PTPN12: variants seen among roughly 807,000 people sequenced by gnomAD.
PTPN12 encodes tyrosine-protein phosphatase non-receptor type 12.
PTPN12 carries 29 observed loss-of-function variants against 97.6 expected under a neutral mutation model. That is an observed-to-expected ratio of 0.30 (90% CI 0.22 to 0.41). PTPN12 has a LOEUF of 0.41. Ranked by LOEUF, PTPN12 falls within the 10% of genes least tolerant of loss-of-function variation. PTPN12 has a pLI of 1.00. For missense variants in PTPN12, 819 were observed against 926.0 expected, an observed-to-expected ratio of 0.88 and a Z score of 1.50; for synonymous variants, 327 against 300.4, an observed-to-expected ratio of 1.09 and a Z score of -0.91.
intron 1 of PTPN12, among the ~76,000 whole-genome samples, chr7:77,560,428 T>G (rs770904548): frequency 1.4e-4 from 21 of 152,246 alleles, no homozygotes; most frequent in Admixed American, 2.6e-4. Context: ...AAGCCATTTT[T>G]AAATGTACAG....
intron 11 of PTPN12, among the ~76,000 whole-genome samples, chr7:77,613,839 A>G (rs1216643894): frequency 6.6e-6 from 1 of 152,102 alleles, no homozygotes; most frequent in Non-Finnish European, 1.5e-5. Flanking sequence ...CAGCCTCCCA[A>G]AGTGCAGGAA....
At chr7:77,568,979 T>G (rs1173580296) in intron 1 of PTPN12, among the ~76,000 whole-genome samples, 2 of 152,182 alleles carry the variant, frequency 1.3e-5, no homozygotes, top group Non-Finnish European at 2.9e-5. Context: ...ACCATGAGGA[T>G]CTTTGTTAAT....
In PTPN12 at chr7:77,627,029, T is replaced by C. The variant is rs554795139; in HGVS notation, c.1350T>C (p.Phe450=). 4 of 1,608,634 alleles carry C rather than the reference T, an allele frequency of 2.5e-6. No homozygotes were observed. The South Asian group carries it at 4.4e-5, about 18-fold the overall frequency. Residue 450 remains phenylalanine (F), a synonymous_variant, in exon 13 of 18, where the codon TTT becomes TTC. Transcript: ENST00000248594. ...CTCTCCAAGAGGGACCAAAAAGTTT[T>C]GATGGGAACACACTTTTGAATAGGG... ...KVPLQEGPKS[F]DGNTLLNRGH...
intron 13 of PTPN12, among the ~76,000 whole-genome samples, chr7:77,627,876 T>C (rs953944315): frequency 1.7e-4 from 26 of 152,248 alleles, no homozygotes; most frequent in Non-Finnish European, 2.6e-4. Context: ...TACTGGGTTT[T>C]GTGTTTCTAA....
intron 1 of PTPN12, among the ~76,000 whole-genome samples, chr7:77,543,762 T>C (rs1807092822): frequency 6.6e-6 from 1 of 152,212 alleles, no homozygotes; most frequent in Non-Finnish European, 1.5e-5. Flanking sequence ...AATGGAATCA[T>C]ACAATATGTG....
At chr7:77,637,939 C>T (rs1201096024) in intron 16 of PTPN12, among the ~76,000 whole-genome samples, 12 of 92,310 alleles carry the variant, frequency 1.3e-4, no homozygotes, top group South Asian at 4.0e-4. Context: ...TTGTTGATTT[C>T]TTAAAATTTT....
intron 3 of PTPN12, 108 bp from the exon 4 acceptor site, chr7:77,583,447 A>G: frequency 1.4e-6 from 1 of 695,564 alleles, no homozygotes; most frequent in Non-Finnish European, 2.4e-6. Flanking sequence ...GAAATGGTTT[A>G]AGTTAAAACA....
intron 6 of PTPN12, among the ~76,000 whole-genome samples, chr7:77,593,376 A>AC (rs1554318699): frequency 2.6e-5 from 4 of 152,148 alleles, no homozygotes; most frequent in Non-Finnish European, 4.4e-5. Flanking sequence ...ATGTGTATAC[A>AC]TTTAAGGAGA....
chr7:77,610,119 C>T (rs1218674221), intron 9 of PTPN12, among the ~76,000 whole-genome samples: 1 of 152,184 alleles, frequency 6.6e-6, no homozygotes, highest in Non-Finnish European at 1.5e-5. Flanking sequence ...GTCAACATTG[C>T]CTATTGCAGT....
rs560666491 is a variant in PTPN12, at chr7:77,538,130, C to G, written c.99+485C>G. ...AGGTTGGCACTAACTCCTGGGATCC[C>G]TTTGCTCTAGCTGGTCTCAAAGCGG... On this transcript the variant is annotated intron_variant, in intron 1 of 17. Coordinates refer to ENST00000248594, the MANE Select transcript of PTPN12 (RefSeq NM_002835.4). 625 of 986,858 alleles carry G rather than the reference C, an allele frequency of 6.3e-4. No homozygotes were observed. The African/African-American group carries it at 0.01, about 16-fold the overall frequency. The allele number at this position is 986,858 out of a possible 1,614,324, so 61.1% of individuals were successfully genotyped here.
At chr7:77,564,117 G>C in intron 1 of PTPN12, 1 of 217,916 alleles carries the variant, frequency 4.6e-6, no homozygotes, top group Non-Finnish European at 9.7e-6. Flanking sequence ...GACCTCAAGT[G>C]ATCTGCCCAC....
At chr7:77,538,156 G>T in intron 1 of PTPN12, 1 of 971,326 alleles carries the variant, frequency 1.0e-6, no homozygotes, top group Non-Finnish European at 1.2e-6. Flanking sequence ...CTCAAAGCGG[G>T]CAGGGTAGGA....
At chr7:77,604,268 T>TG (rs1231323269) in intron 8 of PTPN12, among the ~76,000 whole-genome samples, 1 of 122,646 alleles carries the variant, frequency 8.2e-6, no homozygotes, top group African/African-American at 3.2e-5. Context: ...TGGGCTGGAG[T>TG]GCAATGGTGC....
At chr7:77,558,428 C>T (rs1035039385) in intron 1 of PTPN12, among the ~76,000 whole-genome samples, 1 of 151,990 alleles carries the variant, frequency 6.6e-6, no homozygotes, top group Non-Finnish European at 1.5e-5. Flanking sequence ...TGCATATGTG[C>T]ATAAAATAGT....
chr7:77,607,038 G>GTGTATA, intron 8 of PTPN12, 197 bp from the exon 9 acceptor site: 1 of 417,920 alleles, frequency 2.4e-6, no homozygotes, highest in Non-Finnish European at 4.3e-6. Context: ...AAAAATCATA[G>GTGTATA]TGTATATGTA....
intron 1 of PTPN12, among the ~76,000 whole-genome samples, chr7:77,570,349 T>C (rs4729541): frequency 0.72 from 109,970 of 152,194 alleles, 41,147 homozygotes; most frequent in East Asian, 0.9. Flanking sequence ...AGAATGCTTT[T>C]AATATGTCTT....
At chr7:77,572,495 C>T (rs1787176427) in intron 2 of PTPN12, among the ~76,000 whole-genome samples, 1 of 152,090 alleles carries the variant, frequency 6.6e-6, no homozygotes, top group South Asian at 2.1e-4. Context: ...ATCTCTTTCC[C>T]TCTTTTCTCC....
At chr7:77,537,814 C>T (rs547014628) in intron 1 of PTPN12, among the ~76,000 whole-genome samples, 169 bp downstream of exon 1, 1 of 151,998 alleles carries the variant, frequency 6.6e-6, no homozygotes. Context: ...GAGGCGAGAG[C>T]GCCTCCCCCC....
chr7:77,564,981 C>A (rs1358989736), intron 1 of PTPN12, among the ~76,000 whole-genome samples: 2 of 151,942 alleles, frequency 1.3e-5, no homozygotes, highest in South Asian at 4.1e-4. Context: ...TGGTCTCGAT[C>A]TCCTGACTTC....
Sources: allele counts gnomAD v4.1 joint callset (sites outside exome capture counted in the v4.1 genomes callset), GRCh38; gene constraint gnomAD v4.1.1; transcripts MANE v1.5; gene names NCBI Gene and HGNC (gene_info 2026-07-23, HGNC 2026-07-21).